The following SNX29 variants were observed in gnomAD, a reference collection of about 807,000 sequenced individuals.
SNX29 encodes sorting nexin 29.
Under a neutral mutation model 102.1 loss-of-function variants are expected in SNX29, and 78 were observed. That is an observed-to-expected ratio of 0.76 (90% CI 0.64 to 0.92). SNX29 has a LOEUF of 0.92. Ranked by LOEUF, SNX29 falls within the 40% of genes least tolerant of loss-of-function variation. SNX29 has a pLI of 0.00. For missense variants in SNX29, 1,280 were observed against 1,061.7 expected (o/e 1.21, Z -2.86); for synonymous variants, 580 against 414.5 (o/e 1.40, Z -4.85).
chr16:12,433,467 C>G (rs1245070529), intron 18 of SNX29, among the ~76,000 whole-genome samples: 1 of 151,898 alleles, frequency 6.6e-6, no homozygotes, highest in Admixed American at 6.6e-5. Context: ...CCCGTCTCTA[C>G]TAAAAATAGA....
chr16:12,344,980 C>G (rs1294549835), intron 15 of SNX29, among the ~76,000 whole-genome samples: 1 of 152,234 alleles, frequency 6.6e-6, no homozygotes, highest in Non-Finnish European at 1.5e-5. Flanking sequence ...TATAATTACA[C>G]CCATTGTGTG....
At chr16:12,310,686 A>G (rs769420264) in intron 15 of SNX29, among the ~76,000 whole-genome samples, 2 of 152,212 alleles carry the variant, frequency 1.3e-5, no homozygotes, top group African/African-American at 2.4e-5. Context: ...GGTGGTGGAC[A>G]TGTTCTGTGT....
chr16:12,332,486 T>G (rs1331242679), intron 15 of SNX29, among the ~76,000 whole-genome samples: 1 of 152,152 alleles, frequency 6.6e-6, no homozygotes, highest in Non-Finnish European at 1.5e-5. Flanking sequence ...TTTGTGCGCC[T>G]TTTGCCTGTT....
At chr16:12,553,863 A>T (rs1427081596) in intron 20 of SNX29, among the ~76,000 whole-genome samples, 1 of 151,814 alleles carries the variant, frequency 6.6e-6, no homozygotes, top group East Asian at 1.9e-4. Flanking sequence ...CTGGGATTTC[A>T]GATGGAGTCT....
At chr16:12,442,695 A>T (rs1315419479) in intron 18 of SNX29, among the ~76,000 whole-genome samples, 2 of 151,618 alleles carry the variant, frequency 1.3e-5, no homozygotes, top group Non-Finnish European at 2.9e-5. Flanking sequence ...GACTCAAGTG[A>T]TCCTCCCACC....
intron 14 of SNX29, among the ~76,000 whole-genome samples, chr16:12,227,699 A>T (rs1421383830): frequency 1.3e-5 from 2 of 152,096 alleles, no homozygotes; most frequent in African/African-American, 4.8e-5. Flanking sequence ...CAGGAGTTCA[A>T]GACCATCTTA....
chr16:12,520,101 C>G (rs1261812088), intron 19 of SNX29, among the ~76,000 whole-genome samples: 1 of 152,250 alleles, frequency 6.6e-6, no homozygotes, highest in East Asian at 1.9e-4. Context: ...TTCCACACCT[C>G]TCAGGTCACA....
chr16:12,264,987 C>T (rs773455120), intron 14 of SNX29, among the ~76,000 whole-genome samples: 3 of 152,184 alleles, frequency 2.0e-5, no homozygotes, highest in African/African-American at 4.8e-5. Flanking sequence ...CCAGATACAT[C>T]TGCTGTTTGG....
chr16:12,166,329 G>A (rs1249937082), intron 13 of SNX29, among the ~76,000 whole-genome samples: 1 of 152,176 alleles, frequency 6.6e-6, no homozygotes, highest in Non-Finnish European at 1.5e-5. Flanking sequence ...TCAGAGCAGT[G>A]AGCGCTGGAA....
At chr16:12,522,990 T>C (rs1301994420) in intron 19 of SNX29, among the ~76,000 whole-genome samples, 2 of 152,166 alleles carry the variant, frequency 1.3e-5, no homozygotes, top group Non-Finnish European at 2.9e-5. Flanking sequence ...TTTTCAATTT[T>C]TTATAGAGAT....
chr16:12,200,628 A>G (rs1472565512), intron 14 of SNX29, among the ~76,000 whole-genome samples: 1 of 152,078 alleles, frequency 6.6e-6, no homozygotes, highest in Non-Finnish European at 1.5e-5. Flanking sequence ...GATTACAGGT[A>G]TCTGCCACCA....
chr16:12,375,639 C>T (rs1012748618), intron 16 of SNX29: 3 of 152,352 alleles, frequency 2.0e-5, no homozygotes, highest in East Asian at 1.9e-4. Context: ...AGGCCACCCT[C>T]GGTTTCTTGC....
chr16:12,076,600 C>T (rs1318115606), intron 10 of SNX29, among the ~76,000 whole-genome samples: 1 of 152,180 alleles, frequency 6.6e-6, no homozygotes, highest in Non-Finnish European at 1.5e-5. Context: ...CCACGCCCAG[C>T]CTGGTCATAA....
chr16:12,360,109 C>T (rs887916501), intron 16 of SNX29, among the ~76,000 whole-genome samples: 1 of 152,230 alleles, frequency 6.6e-6, no homozygotes, highest in Non-Finnish European at 1.5e-5. Context: ...CTGGCGTGAG[C>T]CACCGCACCT....
chr16:12,049,129 A>G (rs2050204550), intron 7 of SNX29, among the ~76,000 whole-genome samples: 3 of 152,144 alleles, frequency 2.0e-5, no homozygotes, highest in Admixed American at 2.0e-4. Flanking sequence ...CTGACTGGGG[A>G]TGGCATTTAA....
At position 12,569,169 on chromosome 16, in the gene SNX29, A is replaced by G. The variant is rs979195368; in HGVS notation, c.*540A>G. On this transcript the variant is annotated 3_prime_UTR_variant, in exon 21 of 21. Transcript: ENST00000566228. Reference sequence around the variant, plus strand: ...CATGGTTCCTTTCACTGCATTTTCCACCAACAGTCATTAGACACCTGGCAC... The same window carrying G: ...CATGGTTCCTTTCACTGCATTTTCCGCCAACAGTCATTAGACACCTGGCAC... 3 of 204,166 alleles carry G rather than the reference A, an allele frequency of 1.5e-5. No individual in the cohort carries two copies. Among genetic ancestry groups the G allele is most frequent in the African/African-American group, 7.6e-5 (3 of 39,618 alleles). 12.6% of individuals were successfully genotyped at this position (204,166 alleles called of 1,614,324 possible). A position where few individuals can be genotyped will look rare whatever the true frequency, so the allele number is the denominator to read the frequency against.
At chr16:12,515,174 C>T (rs913780805) in intron 19 of SNX29, among the ~76,000 whole-genome samples, 5 of 152,140 alleles carry the variant, frequency 3.3e-5, no homozygotes, top group African/African-American at 1.2e-4. Flanking sequence ...TGTCCTCATT[C>T]TCCCCTATGG....
At chr16:12,319,842 A>C (rs1282507835) in intron 15 of SNX29, among the ~76,000 whole-genome samples, 1 of 152,118 alleles carries the variant, frequency 6.6e-6, no homozygotes, top group African/African-American at 2.4e-5. Context: ...GGAGGGATGC[A>C]CACCCTTTCT....
chr16:12,006,778 C>G (rs1329967482), intron 3 of SNX29, among the ~76,000 whole-genome samples: 1 of 152,028 alleles, frequency 6.6e-6, no homozygotes, highest in Non-Finnish European at 1.5e-5. Context: ...GCCACCATAC[C>G]TGGCTAATTT....
Sources: gnomAD v4.1 joint callset for allele counts (sites outside exome capture counted in the v4.1 genomes callset) on GRCh38, gnomAD v4.1.1 for gene constraint, MANE v1.5 for transcripts, NCBI Gene and HGNC (gene_info 2026-07-23, HGNC 2026-07-21) for gene names.